The following POLR3E variants were observed in gnomAD, a reference collection of about 807,000 sequenced individuals.
The protein encoded by POLR3E is DNA-directed RNA polymerase III subunit RPC5.
POLR3E carries 41 observed loss-of-function variants against 96.6 expected under a neutral mutation model. That is an observed-to-expected ratio of 0.42 (90% confidence interval 0.33 to 0.55). POLR3E has a LOEUF of 0.55. Among genes scored for constraint, POLR3E ranks in the 20% least tolerant of loss-of-function variants. The pLI is 0.06. For missense variants in POLR3E, 849 were observed against 952.1 expected (o/e 0.89, Z 1.43); for synonymous variants, 396 against 383.6 (o/e 1.03, Z -0.38).
chr16:22,333,685 G>T lies in POLR3E; in HGVS notation c.2112G>T (p.Gly704=), dbSNP rs979238822. The change falls in exon 21 of 21, where the codon GGG becomes GGT. Residue 704 remains glycine, a synonymous_variant. Transcript: ENST00000299853. ...ATGGTGGCATGTGGTACCTTAAAGG[G>T]ACAGTACAGTCTTGACAATAGTAGC... The part of the protein sequence containing the change: ...VSYGGMWYLK[G]TVQS The T allele has an allele frequency of 2.5e-6, 4 of 1,609,888 alleles. No homozygotes were observed. The highest frequency in any genetic ancestry group is 2.6e-6 in the Non-Finnish European group (3 of 1,176,146).
rs2048288838 is a variant in POLR3E, at chr16:22,313,390, A to G, written c.365-230A>G. 6.6e-6 allele frequency among the ~76,000 whole-genome samples: 1 copy of G among 152,132 alleles called. No homozygotes were observed. Among genetic ancestry groups the G allele is most frequent in the Non-Finnish European group, 1.5e-5 (1 of 68,012 alleles). On this transcript the variant is annotated intron_variant, in intron 6 of 20. Coordinates refer to ENST00000299853, the MANE Select transcript of POLR3E (RefSeq NM_018119.4). This position sits in a 1 kb window ranked among gnomAD's most constrained non-coding sequence, Gnocchi z 4.1. ...TGAAGGAAGTGGCTTCGAACAGAAG[A>G]GTCCAGGTTCCTGTCCTAGTCTGGG...
Position 22,325,783 on chromosome 16 carries a change from G to A in POLR3E, c.1371G>A (p.Gly457=), listed in dbSNP as rs1358017531. ...AQSGPAGLVC[G]DQRIQVAKTK... ...CAGGGCCTGCCGGGCTGGTCTGTGGGGACCAGCGGATCCAAGTAGCCAAAA... is the reference window on the plus strand; with the variant it reads ...CAGGGCCTGCCGGGCTGGTCTGTGGAGACCAGCGGATCCAAGTAGCCAAAA... The change falls in exon 18 of 21, where the codon GGG becomes GGA. Residue 457 remains glycine, a synonymous_variant. Coordinates refer to ENST00000299853, the MANE Select transcript of POLR3E (RefSeq NM_018119.4). 1 of 1,585,732 alleles carries A rather than the reference G, an allele frequency of 6.3e-7. No individual in the cohort carries two copies. Among genetic ancestry groups the A allele is most frequent in the Non-Finnish European group, 8.6e-7 (1 of 1,166,346 alleles).
In POLR3E at chr16:22,325,836, TGGAGCGGGAGCTGCA is replaced by T; in HGVS notation, c.1426_1440del (p.Glu476_Gln480del). 1 of 1,612,080 alleles carries T rather than the reference TGGAGCGGGAGCTGCA, an allele frequency of 6.2e-7. No individual in the cohort carries two copies. Among genetic ancestry groups the T allele is most frequent in the Non-Finnish European group, 8.5e-7 (1 of 1,179,386 alleles). The stretch of plus-strand genomic sequence containing the variant: ...AAGGCCCAGCAGAACCACGCGTTGC[TGGAGCGGGAGCTGCA>T]GCGGCGGAAGGAGCAGCTGCGGGTG... On this transcript the variant is annotated inframe_deletion, in exon 18 of 21. Transcript: ENST00000299853.
rs777655970 is a variant in POLR3E at position 22,322,870 on chromosome 16, A to G, written c.1007A>G (p.Asp336Gly). The G allele has an allele frequency of 1.2e-6, 2 of 1,612,492 alleles. No homozygotes were observed. Among genetic ancestry groups the G allele is most frequent in the Non-Finnish European group, 1.7e-6 (2 of 1,179,428 alleles). Residue 336 changes from aspartate to glycine, a missense_variant, in exon 14 of 21, where the codon GAC becomes GGC. Asp to Gly is a moderately conservative substitution (Grantham distance 94, BLOSUM62 -1). Transcript: ENST00000299853. This position sits in a 1 kb window ranked among gnomAD's most constrained non-coding sequence, Gnocchi z 5.2. ...GGCAGTGACATCCTATACCCCAAGG[A>G]CTCGTCCAGCCCTCACAGCGGCGTG... Reference protein sequence around the residue: ...VVKSDILYPKDSSSPHSGVPA... With the variant: ...VVKSDILYPKGSSSPHSGVPA...
At chr16:22,323,652 C>A (rs1598268394) in intron 14 of POLR3E, among the ~76,000 whole-genome samples, 2 of 152,234 alleles carry the variant, frequency 1.3e-5, no homozygotes, top group East Asian at 3.9e-4. Flanking sequence ...GTCCAGGTGC[C>A]CGAGCAGCAT....
At chr16:22,298,605 A>G (rs935824725) in intron 1 of POLR3E, among the ~76,000 whole-genome samples, 1 of 152,148 alleles carries the variant, frequency 6.6e-6, no homozygotes, top group South Asian at 2.1e-4. Context: ...GCTCTTACCC[A>G]CTTAACCATA....
Position 22,317,164 on chromosome 16 carries a change from A to G in POLR3E, c.823A>G (p.Thr275Ala), listed in dbSNP as rs1398378939. The change falls in exon 12 of 21, where the codon ACG becomes GCG. Residue 275 changes from threonine to alanine, a missense_variant. Coordinates refer to ENST00000299853, the MANE Select transcript of POLR3E (RefSeq NM_018119.4). The stretch of plus-strand genomic sequence containing the variant: ...CGTCCTGTCGATGGCCCAGCTGCGC[A>G]CGCTGCCCCTGGCCGATCAGATCAA... ...SNVLSMAQLR[T>A]LPLADQIKIL... is the part of the protein sequence containing the mutation. The G allele has an allele frequency of 1.2e-6, 2 of 1,613,966 alleles. No homozygotes were observed. The highest frequency in any genetic ancestry group is 1.7e-6 in the Non-Finnish European group (2 of 1,179,982).
At chr16:22,321,699 C>T (rs537460735) in intron 13 of POLR3E, among the ~76,000 whole-genome samples, 1 of 152,336 alleles carries the variant, frequency 6.6e-6, no homozygotes, top group East Asian at 1.9e-4. Flanking sequence ...GCCCTGGGCT[C>T]TGCACCCAGC....
At chr16:22,302,753 CT>C (rs2048052397) in intron 1 of POLR3E, 177 bp from the exon 2 acceptor site, 5 of 608,924 alleles carry the variant, frequency 8.2e-6, no homozygotes, top group Non-Finnish European at 1.5e-5. Context: ...TTCTTTATTT[CT>C]TCTGGCTGAT....
At chr16:22,326,557 C>G in intron 18 of POLR3E, 1 of 532,276 alleles carries the variant, frequency 1.9e-6, no homozygotes, top group Non-Finnish European at 3.4e-6. Context: ...AAACAGGGCC[C>G]CTGCCTGGTT....
chr16:22,324,748 C>A (rs1050794579), intron 16 of POLR3E, 88 bp downstream of exon 16: 25 of 1,410,406 alleles, frequency 1.8e-5, no homozygotes, highest in Non-Finnish European at 2.5e-5. Context: ...TCCGAGCAAT[C>A]TCTAGAAACC....
Position 22,326,122 on chromosome 16 carries a change from T to G in POLR3E, c.1710T>G (p.Phe570Leu), listed in dbSNP as rs1056044152. 2 of 1,613,770 alleles carry G rather than the reference T, an allele frequency of 1.2e-6. No homozygotes were observed. The highest frequency in any genetic ancestry group is 1.7e-6 in the Non-Finnish European group (2 of 1,179,980). The change falls in exon 18 of 21, where the codon TTT becomes TTG. Residue 570 changes from phenylalanine (F) to leucine (L), a missense_variant. Coordinates refer to ENST00000299853, the MANE Select transcript of POLR3E (RefSeq NM_018119.4). Reference protein sequence around the residue: ...RELKAFVEATFQRQFVLTLSE... With the variant: ...RELKAFVEATLQRQFVLTLSE... ...TGAAGGCCTTCGTGGAGGCCACCTT[T>G]CAGAGACAGTTTGTGCTCACGCTGA...
At position 22,318,665 on chromosome 16, in the gene POLR3E, C is replaced by T. The variant is rs898025551; in HGVS notation, c.866-161C>T. ...TGCCCAGTGCCTGGCATGTAGTGAG[C>T]AGCCTGAGAGTGTCAGCTGTTGGCT... On this transcript the variant is annotated intron_variant, in intron 12 of 20. Transcript: ENST00000299853. This position sits in a 1 kb window ranked among gnomAD's most constrained non-coding sequence, Gnocchi z 5.0. 2.0e-5 allele frequency among the ~76,000 whole-genome samples: 3 copies of T among 152,108 alleles called. No homozygotes were observed. Among genetic ancestry groups the T allele is most frequent in the Non-Finnish European group, 4.4e-5 (3 of 68,026 alleles).
intron 18 of POLR3E, 75 bp from the exon 19 acceptor site, chr16:22,328,435 C>G (rs112693034): frequency 8.1e-7 from 1 of 1,236,832 alleles, no homozygotes; most frequent in Admixed American, 1.7e-5. Context: ...CTGGGGCAGA[C>G]AGGGAGGGAT....
At chr16:22,300,545 G>A (rs1381195707) in intron 1 of POLR3E, among the ~76,000 whole-genome samples, 2 of 152,238 alleles carry the variant, frequency 1.3e-5, no homozygotes, top group East Asian at 3.8e-4. Context: ...CAGCCTCTCA[G>A]TTGTCCACTG....
chr16:22,327,221 GCCCATCC>G (rs1272596140), intron 18 of POLR3E: 1 of 152,300 alleles, frequency 6.6e-6, no homozygotes, highest in Non-Finnish European at 1.5e-5. Context: ...TGAGGCCAAG[GCCCATCC>G]CTGTGTATGA....
intron 6 of POLR3E, among the ~76,000 whole-genome samples, chr16:22,311,292 A>G (rs1390950473): frequency 1.0e-5 from 1 of 98,596 alleles, no homozygotes; most frequent in Non-Finnish European, 1.8e-5. Context: ...TTTTTTTTTA[A>G]TAAATTTAGT....
chr16:22,309,551 G>A (rs759227497), intron 6 of POLR3E, 41 bp downstream of exon 6: 8 of 1,350,978 alleles, frequency 5.9e-6, no homozygotes, highest in Non-Finnish European at 7.4e-6. Flanking sequence ...ACATGGCATT[G>A]GGGGGGGCTG....
intron 1 of POLR3E, among the ~76,000 whole-genome samples, chr16:22,298,550 G>T (rs1415412488): frequency 1.3e-5 from 2 of 152,166 alleles, no homozygotes; most frequent in Non-Finnish European, 2.9e-5. Context: ...ATGCCAAGCA[G>T]CTGTGGTGGG....
Sources: gnomAD v4.1 joint callset for allele counts (sites outside exome capture counted in the v4.1 genomes callset) on GRCh38, gnomAD v4.1.1 for gene constraint, Gnocchi (gnomAD v3.1) non-coding constraint, MANE v1.5 for transcripts, NCBI Gene and HGNC (gene_info 2026-07-23, HGNC 2026-07-21) for gene names.